ZMYM2: variants seen among roughly 807,000 people sequenced by gnomAD.
The protein encoded by ZMYM2 is zinc finger MYM-type containing 2.
In ZMYM2, 56 loss-of-function variants were observed where a neutral mutation model predicts 162.8. That is an observed-to-expected ratio of 0.34 (90% confidence interval 0.28 to 0.43). The LOEUF (loss-of-function observed/expected upper bound fraction) is 0.43. Among genes scored for constraint, ZMYM2 ranks in the 20% least tolerant of loss-of-function variants. ZMYM2 has a pLI of 1.00. For synonymous variants in ZMYM2, 510 were observed against 541.6 expected (o/e 0.94, Z 0.81); for missense variants, 1,275 against 1,621.8 (o/e 0.79, Z 3.67).
At chr13:19,870,536 TC>T in the ZMYM2 span, among the ~76,000 whole-genome samples, 1 of 59,032 alleles carries the variant, frequency 1.7e-5, no homozygotes, top group African/African-American at 5.1e-5. Context: ...TTTCTTTCTT[TC>T]TCTTTCTTTC....
intron 2 of ZMYM2, among the ~76,000 whole-genome samples, chr13:19,985,966 G>T (rs765586522): frequency 6.6e-6 from 1 of 152,128 alleles, no homozygotes. Flanking sequence ...CAGGCAGGTT[G>T]CTTGAGCTTG....
chr13:20,000,249 A>G (rs1002011700), intron 3 of ZMYM2, among the ~76,000 whole-genome samples: 4 of 152,234 alleles, frequency 2.6e-5, no homozygotes, highest in Admixed American at 6.5e-5. Context: ...ATAAGGAAAC[A>G]AAAGAAAAGT....
rs1487385433 is a variant in ZMYM2 at position 19,993,790 on chromosome 13, A to G, written c.718A>G (p.Asn240Asp). 3 of 1,614,202 alleles carry G rather than the reference A, an allele frequency of 1.9e-6. No individual in the cohort carries two copies. Among genetic ancestry groups the G allele is most frequent in the Non-Finnish European group, 2.5e-6 (3 of 1,180,030 alleles). Residue 240 changes from asparagine (N) to aspartate (D), a missense_variant, in exon 3 of 25, where the codon AAT becomes GAT. Asn to Asp is a conservative substitution (Grantham distance 23). This residue lies in a region of ZMYM2 where 295 missense variants were observed against 286.7 expected (regional missense o/e 1.03). Coordinates refer to ENST00000610343, the MANE Select transcript of ZMYM2 (RefSeq NM_197968.4). ...ACTGCAGTCAAGTAATTTTGGTGTT[A>G]ATATACAAACATACACCCCATCTTT... ...NGLQSSNFGV[N>D]IQTYTPSLTS... is the part of the protein sequence containing the mutation.
chr13:19,924,177 T>C, the ZMYM2 span, among the ~76,000 whole-genome samples: 3 of 152,324 alleles, frequency 2.0e-5, no homozygotes, highest in South Asian at 6.2e-4. Context: ...AACCCACATT[T>C]TCCCCTCCCT....
intron 21 of ZMYM2, among the ~76,000 whole-genome samples, chr13:20,071,237 T>C (rs1957065378): frequency 6.6e-6 from 1 of 152,194 alleles, no homozygotes; most frequent in South Asian, 2.1e-4. Context: ...CATGCCCAGC[T>C]AATTTTTTGT....
At chr13:19,899,816 C>CAAAA in the ZMYM2 span, among the ~76,000 whole-genome samples, 9 of 64,982 alleles carry the variant, frequency 1.4e-4, 1 homozygote, top group African/African-American at 2.2e-4. Context: ...GACTCTGACT[C>CAAAA]AAAAAAAAAA....
chr13:20,072,740 T>C (rs1957181481), intron 21 of ZMYM2, among the ~76,000 whole-genome samples: 1 of 152,036 alleles, frequency 6.6e-6, no homozygotes, highest in Non-Finnish European at 1.5e-5. Flanking sequence ...TTAGTTGATA[T>C]CAACTGTTTA....
intron 7 of ZMYM2, among the ~76,000 whole-genome samples, chr13:20,022,380 C>T (rs1022716422): frequency 1.3e-5 from 2 of 152,070 alleles, no homozygotes; most frequent in African/African-American, 2.4e-5. Flanking sequence ...TGTTGTGTCC[C>T]TCTTCGTGCA....
intron 12 of ZMYM2, among the ~76,000 whole-genome samples, chr13:20,041,751 C>A (rs900444716): frequency 9.2e-5 from 14 of 152,054 alleles, no homozygotes; most frequent in African/African-American, 3.1e-4. Context: ...GTAACAAATA[C>A]CTTCAGATTT....
chr13:19,958,487 G>A (rs1954719095), upstream of ZMYM2, among the ~76,000 whole-genome samples: 1 of 152,118 alleles, frequency 6.6e-6, no homozygotes, highest in Admixed American at 6.5e-5. Flanking sequence ...CCGGCGGGGA[G>A]GGGACCCGGC....
the ZMYM2 span, among the ~76,000 whole-genome samples, chr13:19,910,214 G>A: frequency 6.6e-6 from 1 of 151,644 alleles, no homozygotes; most frequent in Admixed American, 6.6e-5. Flanking sequence ...GCAATGGAGC[G>A]AAACTCTGTC....
At chr13:19,889,360 C>T in the ZMYM2 span, among the ~76,000 whole-genome samples, 1 of 151,862 alleles carries the variant, frequency 6.6e-6, no homozygotes, top group Non-Finnish European at 1.5e-5. Flanking sequence ...TTCTTGTCGC[C>T]CAGGCTGGAG....
the ZMYM2 span, among the ~76,000 whole-genome samples, chr13:19,908,797 A>G: frequency 6.6e-6 from 1 of 152,228 alleles, no homozygotes; most frequent in Non-Finnish European, 1.5e-5. Flanking sequence ...TGCATTAAAT[A>G]GTTTGTGATA....
At chr13:19,905,006 ATTT>A in the ZMYM2 span, among the ~76,000 whole-genome samples, 3 of 129,898 alleles carry the variant, frequency 2.3e-5, no homozygotes. Context: ...CTTGCTTTCA[ATTT>A]TTTTTTTTTT....
At chr13:19,968,554 A>G (rs1221659022) in intron 2 of ZMYM2, among the ~76,000 whole-genome samples, 1 of 152,118 alleles carries the variant, frequency 6.6e-6, no homozygotes, top group African/African-American at 2.4e-5. Flanking sequence ...GAGCCACCGC[A>G]CCAGACCTCC....
chr13:19,896,300 C>T, the ZMYM2 span, among the ~76,000 whole-genome samples: 8 of 151,522 alleles, frequency 5.3e-5, no homozygotes, highest in Non-Finnish European at 1.2e-4. Context: ...CATGCCATCA[C>T]GCCTGGCTAA....
chr13:20,029,449 G>C (rs80343691), intron 9 of ZMYM2, among the ~76,000 whole-genome samples: 4,024 of 152,306 alleles, frequency 0.026, 119 homozygotes, highest in East Asian at 0.13. Context: ...TGTTTTGAAA[G>C]ACTAGTTAAC....
upstream of ZMYM2, among the ~76,000 whole-genome samples, chr13:19,954,126 A>ATTTTTTTTTTTTATTTTTTTTTTTTTTTT (rs1954471879): frequency 1.5e-5 from 1 of 64,880 alleles, no homozygotes; most frequent in Non-Finnish European, 3.0e-5. Context: ...GCTATGTTTA[A>ATTTTTTTTTTTTATTTTTTTTTTTTTTTT]TTTTTTTTTT....
chr13:20,023,004 A>G (rs1360343386), intron 7 of ZMYM2, among the ~76,000 whole-genome samples: 1 of 152,192 alleles, frequency 6.6e-6, no homozygotes, highest in East Asian at 1.9e-4. Flanking sequence ...TGTATTTAGG[A>G]ATAAAATCCA....
Sources: gnomAD v4.1 joint callset for allele counts (sites outside exome capture counted in the v4.1 genomes callset) on GRCh38, gnomAD v4.1.1 for gene constraint, gnomAD v4.1.1 regional missense constraint, MANE v1.5 for transcripts, NCBI Gene and HGNC (gene_info 2026-07-23, HGNC 2026-07-21) for gene names.